Variants in MEIG1 observed in about 807,000 individuals in gnomAD.
The protein encoded by MEIG1 is meiosis/spermiogenesis associated 1.
Under a neutral mutation model 11.3 loss-of-function variants are expected in MEIG1, and 12 were observed. The ratio of observed to expected loss-of-function variants is 1.07; its 90% CI spans 0.68 to 1.73. MEIG1 has a LOEUF of 1.73. Ranked by LOEUF, MEIG1 falls within the 40% of genes most tolerant of loss-of-function variation. MEIG1 has a pLI of 0.00. For missense variants in MEIG1, 119 were observed against 104.9 expected (o/e 1.13, Z -0.59); for synonymous variants, 41 against 33.2 (o/e 1.24, Z -0.81).
upstream of MEIG1, among the ~76,000 whole-genome samples, chr10:14,955,870 T>C (rs1842936572): frequency 6.6e-6 from 1 of 152,192 alleles, no homozygotes; most frequent in African/African-American, 2.4e-5. Context: ...TAAAATATCC[T>C]GCTAGTATAC....
intron 1 of MEIG1, among the ~76,000 whole-genome samples, chr10:14,965,991 G>A (rs1387754480): frequency 6.6e-6 from 1 of 150,430 alleles, no homozygotes; most frequent in East Asian, 1.9e-4. Context: ...TCTTGGAATT[G>A]TATGTTTAAA....
intron 1 of MEIG1, among the ~76,000 whole-genome samples, chr10:14,964,339 G>T (rs1180016743): frequency 6.6e-6 from 1 of 151,834 alleles, no homozygotes; most frequent in Non-Finnish European, 1.5e-5. Flanking sequence ...AATTCAGCAA[G>T]TCTGTCTATT....
chr10:14,972,474 C>G (rs1473748056), intron 2 of MEIG1, 39 bp from the exon 3 acceptor site: 2 of 1,612,618 alleles, frequency 1.2e-6, no homozygotes, highest in Admixed American at 3.3e-5. Context: ...AAAATCAACC[C>G]TCCATTGTAA....
At chr10:14,964,560 TAA>T (rs1843054347) in intron 1 of MEIG1, among the ~76,000 whole-genome samples, 1 of 128,782 alleles carries the variant, frequency 7.8e-6, no homozygotes, top group Admixed American at 8.0e-5. Flanking sequence ...TATATGTATA[TAA>T]GAGTGTGTGT....
chr10:14,967,216 A>G (rs1466542685), intron 2 of MEIG1, among the ~76,000 whole-genome samples: 1 of 152,018 alleles, frequency 6.6e-6, no homozygotes, highest in Admixed American at 6.6e-5. Flanking sequence ...CACTCAGGTG[A>G]TTTCATTATC....
At chr10:14,958,790 G>A (rs546848367), upstream of MEIG1, among the ~76,000 whole-genome samples, 154 of 152,230 alleles carry the variant, frequency 1.0e-3, 1 homozygote, top group South Asian at 0.025. Context: ...CAGCTACTCG[G>A]GAGGCTGAGG....
chr10:14,961,917 C>T (rs1020313038), intron 1 of MEIG1, among the ~76,000 whole-genome samples: 1 of 152,018 alleles, frequency 6.6e-6, no homozygotes, highest in Admixed American at 6.6e-5. Context: ...AAACAATCCT[C>T]CCACCTTAGC....
At chr10:14,961,968 C>T (rs1843019831) in intron 1 of MEIG1, among the ~76,000 whole-genome samples, 1 of 151,858 alleles carries the variant, frequency 6.6e-6, no homozygotes, top group Non-Finnish European at 1.5e-5. Flanking sequence ...CCACCACACC[C>T]AGCTAATTTT....
chr10:14,964,092 G>A lies in MEIG1; in HGVS notation c.-29-2348G>A, dbSNP rs564083858. On this transcript the variant is annotated intron_variant, in intron 1 of 2. Coordinates refer to ENST00000407572, the MANE Select transcript of MEIG1 (RefSeq NM_001080836.3). ...CAGCCTGGTGACAGAGCGAGACTCC[G>A]TCTCAAAAAAAAAAAAAAAAAAAGA... Among the ~76,000 whole-genome samples the A allele has an allele frequency of 3.5e-3, 304 of 87,042 alleles. 1 individual carries two copies. Among genetic ancestry groups the A allele is most frequent in the South Asian group, 0.02 (45 of 2,236 alleles). 57.1% of individuals were successfully genotyped at this position (87,042 alleles called of 152,430 possible). A position where few individuals can be genotyped will look rare whatever the true frequency, so the allele number is the denominator to read the frequency against.
intron 1 of MEIG1, among the ~76,000 whole-genome samples, chr10:14,979,832 A>G (rs1385023847): frequency 1.3e-5 from 2 of 152,008 alleles, no homozygotes; most frequent in African/African-American, 4.8e-5. Context: ...TGAGGGAGGT[A>G]TAACTTTTAA....
rs745805845 is a variant in MEIG1, at chr10:14,966,577, G to A, written c.109G>A (p.Glu37Lys). Residue 37 changes from glutamate (E) to lysine (K), a missense_variant, in exon 2 of 3, where the codon GAA becomes AAA. Physicochemically the swap from Glu to Lys is moderately conservative, Grantham distance 56 (BLOSUM62 1). Transcript: ENST00000407572. The stretch of plus-strand genomic sequence containing the variant: ...ACAAGCAGGATATCGGGATGAAACC[G>A]AATATAGACAAGTGAAACAAGTTTC... Reference protein sequence around the residue: ...FQQAGYRDETEYRQVKQVSMV... With the variant: ...FQQAGYRDETKYRQVKQVSMV... 2.4e-5 allele frequency: 39 copies of A among 1,610,878 alleles called. No homozygotes were observed. Among genetic ancestry groups the A allele is most frequent in the South Asian group, 6.7e-5 (6 of 90,134 alleles).
intron 2 of MEIG1, among the ~76,000 whole-genome samples, chr10:14,967,393 G>T (rs866611344): frequency 6.6e-6 from 1 of 152,172 alleles, no homozygotes; most frequent in Admixed American, 6.6e-5. Context: ...GCTTTCCTGA[G>T]AGGGTAGAGA....
intron 1 of MEIG1, among the ~76,000 whole-genome samples, chr10:14,977,902 C>G (rs902297681): frequency 5.9e-5 from 9 of 151,832 alleles, no homozygotes; most frequent in Non-Finnish European, 1.2e-4. Flanking sequence ...TCGTAATATC[C>G]TAGAAAGATG....
chr10:14,969,514 G>A (rs1448102220), intron 2 of MEIG1, among the ~76,000 whole-genome samples: 1 of 151,950 alleles, frequency 6.6e-6, no homozygotes, highest in Non-Finnish European at 1.5e-5. Context: ...GTAATCACAT[G>A]TTTGAAGTGC....
downstream of MEIG1, among the ~76,000 whole-genome samples, chr10:14,974,638 A>G (rs1208056895): frequency 6.6e-6 from 1 of 152,130 alleles, no homozygotes; most frequent in African/African-American, 2.4e-5. Context: ...ATAACTATCA[A>G]TATTAATAAC....
exon 2 of MEIG1, chr10:14,986,999 CGAA>C: frequency 1.5e-6 from 1 of 665,076 alleles, no homozygotes; most frequent in Non-Finnish European, 2.5e-6. Flanking sequence ...GACACCAAAA[CGAA>C]GAAGACACAG....
At chr10:14,985,449 A>G (rs1843309540) in intron 1 of MEIG1, among the ~76,000 whole-genome samples, 1 of 151,966 alleles carries the variant, frequency 6.6e-6, no homozygotes, top group African/African-American at 2.4e-5. Flanking sequence ...GTCATATGGG[A>G]TGTACTCCAT....
intron 1 of MEIG1, among the ~76,000 whole-genome samples, chr10:14,984,246 A>G (rs28460810): frequency 3.3e-3 from 79 of 24,006 alleles, no homozygotes; most frequent in African/African-American, 0.018. Flanking sequence ...CGTAATATCC[A>G]GGGTGGGAGA....
chr10:14,962,034 C>T (rs1843020901), intron 1 of MEIG1, among the ~76,000 whole-genome samples: 1 of 152,056 alleles, frequency 6.6e-6, no homozygotes, highest in Non-Finnish European at 1.5e-5. Flanking sequence ...TGAACTCGGA[C>T]TCAAAGGATC....
Sources: gnomAD v4.1 joint callset for allele counts (sites outside exome capture counted in the v4.1 genomes callset) on GRCh38, gnomAD v4.1.1 for gene constraint, MANE v1.5 for transcripts, NCBI Gene and HGNC (gene_info 2026-07-23, HGNC 2026-07-21) for gene names.